SYNPO2: variants seen among roughly 807,000 people sequenced by gnomAD.
The protein encoded by SYNPO2 is synaptopodin 2, also known as synaptopodin-2.
Under a neutral mutation model 85.0 loss-of-function variants are expected in SYNPO2, and 56 were observed. The observed-to-expected ratio is 0.66, with a 90% CI of 0.53 to 0.82. SYNPO2 has a LOEUF of 0.82. SYNPO2 is among the 40% of genes least tolerant of loss of function. The pLI, the probability that SYNPO2 is intolerant of heterozygous loss-of-function variation, is 0.00. For synonymous variants in SYNPO2, 602 were observed against 591.1 expected, an observed-to-expected ratio of 1.02 and a Z score of -0.27; for missense variants, 1,575 against 1,534.2, an observed-to-expected ratio of 1.03 and a Z score of -0.44.
intron 1 of SYNPO2, among the ~76,000 whole-genome samples, chr4:119,017,543 C>CA (rs3052104): frequency 7.2e-4 from 107 of 149,284 alleles, no homozygotes; most frequent in Middle Eastern, 3.5e-3. Flanking sequence ...CATTTTCTGT[C>CA]AAAAAAAAAA....
In SYNPO2 at chr4:119,059,087, T is replaced by C. The variant is rs1739320059; in HGVS notation, c.*1153T>C. The C allele has an allele frequency of 6.6e-6, 1 of 151,980 alleles. No individual in the cohort carries two copies. The highest frequency in any genetic ancestry group is 2.4e-5 in the African/African-American group (1 of 41,394). 9.4% of individuals were successfully genotyped at this position (151,980 alleles called of 1,614,324 possible). ...AGAATGCCCGCTGATGCATTGTTTATTTTTTTTGCTCATAATATAAATATC... is the reference window on the plus strand; with the variant it reads ...AGAATGCCCGCTGATGCATTGTTTACTTTTTTTGCTCATAATATAAATATC... On this transcript the variant is annotated 3_prime_UTR_variant, in exon 5 of 5. Coordinates refer to ENST00000307142, the MANE Select transcript of SYNPO2 (RefSeq NM_133477.3).
chr4:118,966,204 T>A (rs1578593095), intron 1 of SYNPO2, among the ~76,000 whole-genome samples: 1 of 152,280 alleles, frequency 6.6e-6, no homozygotes, highest in East Asian at 1.9e-4. Context: ...ACCATTCATT[T>A]GAGTGGATAG....
intron 1 of SYNPO2, among the ~76,000 whole-genome samples, chr4:118,874,975 T>C (rs776564888): frequency 3.5e-4 from 53 of 152,264 alleles, no homozygotes; most frequent in Middle Eastern, 3.4e-3. Context: ...CACCCAGGTA[T>C]TAAGCCCAGC....
chr4:118,982,867 A>T (rs894840317), intron 1 of SYNPO2, among the ~76,000 whole-genome samples: 12 of 152,176 alleles, frequency 7.9e-5, no homozygotes, highest in African/African-American at 2.9e-4. Context: ...AAAGAGGTCA[A>T]ACTCTTAATG....
chr4:118,990,727 G>T (rs776066755), intron 1 of SYNPO2, among the ~76,000 whole-genome samples: 30 of 152,192 alleles, frequency 2.0e-4, no homozygotes, highest in Non-Finnish European at 3.8e-4. Flanking sequence ...TCGTGCCTCA[G>T]CCTCCTGAGT....
chr4:118,979,569 A>G (rs1735928951), intron 1 of SYNPO2, among the ~76,000 whole-genome samples: 1 of 152,214 alleles, frequency 6.6e-6, no homozygotes, highest in Non-Finnish European at 1.5e-5. Context: ...CCCTGGCCTA[A>G]CTTTGTATTT....
intron 1 of SYNPO2, among the ~76,000 whole-genome samples, chr4:118,859,031 A>G (rs909723893): frequency 2.6e-5 from 4 of 152,194 alleles, no homozygotes; most frequent in African/African-American, 9.6e-5. Context: ...GCCAAGTCTT[A>G]AAGTTTTGGC....
intron 1 of SYNPO2, among the ~76,000 whole-genome samples, chr4:118,976,704 C>T (rs990790902): frequency 7.2e-5 from 11 of 152,240 alleles, no homozygotes; most frequent in African/African-American, 1.2e-4. Flanking sequence ...TACAGAGTGT[C>T]GATTGGTGCA....
intron 1 of SYNPO2, among the ~76,000 whole-genome samples, chr4:119,001,124 G>A (rs1736810016): frequency 6.6e-6 from 1 of 152,174 alleles, no homozygotes; most frequent in South Asian, 2.1e-4. Flanking sequence ...GCCCCATGGG[G>A]GGTGCCATTA....
intron 1 of SYNPO2, among the ~76,000 whole-genome samples, chr4:118,901,380 G>A (rs1019090707): frequency 6.6e-6 from 1 of 152,152 alleles, no homozygotes; most frequent in Non-Finnish European, 1.5e-5. Context: ...ATAAGGCAAA[G>A]TTCCTCTGTC....
chr4:118,879,534 A>T (rs1329808226), intron 1 of SYNPO2, among the ~76,000 whole-genome samples: 1 of 152,208 alleles, frequency 6.6e-6, no homozygotes, highest in African/African-American at 2.4e-5. Context: ...AGTCATCTAC[A>T]AACCAGGAAG....
chr4:118,951,901 T>C (rs995712575), intron 1 of SYNPO2, among the ~76,000 whole-genome samples: 4 of 152,180 alleles, frequency 2.6e-5, no homozygotes, highest in African/African-American at 7.2e-5. Context: ...TAATATTTCA[T>C]CCCAGAATTA....
intron 1 of SYNPO2, among the ~76,000 whole-genome samples, chr4:118,898,574 A>G (rs1170133212): frequency 6.6e-6 from 1 of 152,224 alleles, no homozygotes; most frequent in Admixed American, 6.5e-5. Flanking sequence ...TATTCCTACA[A>G]TCATTTTTTT....
chr4:118,900,693 C>CTATATATA (rs1451002170), intron 1 of SYNPO2, among the ~76,000 whole-genome samples: 1 of 49,954 alleles, frequency 2.0e-5, no homozygotes, highest in Admixed American at 2.3e-4. Context: ...CTCTCTCTCT[C>CTATATATA]TCTCTCTCTC....
intron 1 of SYNPO2, among the ~76,000 whole-genome samples, chr4:118,965,410 T>C (rs1735275936): frequency 6.6e-6 from 1 of 152,058 alleles, no homozygotes; most frequent in Admixed American, 6.5e-5. Context: ...CATTCTACCC[T>C]CCTTCAAGCT....
chr4:119,023,596 C>A lies in SYNPO2; in HGVS notation c.257+15C>A, dbSNP rs1171422735. The A allele has an allele frequency of 6.2e-7, 1 of 1,605,204 alleles. No homozygotes were observed. Among genetic ancestry groups the A allele is most frequent in the Non-Finnish European group, 8.5e-7 (1 of 1,175,406 alleles). On this transcript the variant is annotated intron_variant, in intron 2 of 4. Transcript: ENST00000307142. Reference sequence around the variant, plus strand: ...CTCATCAAAAGGTACAACAGATTTGCTGGAATATGTATTTTCTCTTGAAGC... The same window carrying A: ...CTCATCAAAAGGTACAACAGATTTGATGGAATATGTATTTTCTCTTGAAGC...
rs747399517 is a variant in SYNPO2, at chr4:118,889,134, T to C, written c.98T>C (p.Val33Ala). 8.7e-6 allele frequency: 14 copies of C among 1,613,974 alleles called. No homozygotes were observed. In the African/African-American group the frequency reaches 1.3e-4, roughly 15 times the overall value. The change falls in exon 1 of 5, where the codon GTT becomes GCT. Residue 33 changes from valine (V) to alanine (A), a missense_variant. Coordinates refer to ENST00000307142, the MANE Select transcript of SYNPO2 (RefSeq NM_133477.3). The stretch of plus-strand genomic sequence containing the variant: ...AAGGAGCAGAAGCAGCCCTTACAAG[T>C]TGCAAAGGTAGGACCTGAACGAAGT... ...GGKEQKQPLQ[V>A]AKIRNQSKAS... is the part of the protein sequence containing the mutation.
intron 1 of SYNPO2, among the ~76,000 whole-genome samples, chr4:118,895,910 CAT>C (rs887821438): frequency 6.6e-6 from 1 of 152,122 alleles, no homozygotes; most frequent in South Asian, 2.1e-4. Context: ...AAATACTTCA[CAT>C]GTGTATATCT....
chr4:118,967,073 T>C (rs535169661), intron 1 of SYNPO2, among the ~76,000 whole-genome samples: 40 of 152,212 alleles, frequency 2.6e-4, no homozygotes, highest in Admixed American at 4.6e-4. Flanking sequence ...ATTAATTCTA[T>C]GAATTCTTAT....
Sources: allele counts gnomAD v4.1 joint callset (sites outside exome capture counted in the v4.1 genomes callset), GRCh38; gene constraint gnomAD v4.1.1; transcripts MANE v1.5; gene names NCBI Gene and HGNC (gene_info 2026-07-23, HGNC 2026-07-21).